SEMA3A: variants seen among roughly 807,000 people sequenced by gnomAD.
The protein encoded by SEMA3A is semaphorin 3A, also known as semaphorin-3A.
Under a neutral mutation model 97.9 loss-of-function variants are expected in SEMA3A, and 29 were observed. The observed-to-expected ratio is 0.30, with a 90% confidence interval of 0.22 to 0.40. The LOEUF is 0.40. Among genes scored for constraint, SEMA3A ranks in the 10% least tolerant of loss-of-function variants. The pLI is 1.00. For synonymous variants in SEMA3A, 321 were observed against 323.7 expected (o/e 0.99, Z 0.09); for missense variants, 763 against 951.3 (o/e 0.80, Z 2.60).
At chr7:84,090,564 TTA>T (rs2115844661) in intron 4 of SEMA3A, among the ~76,000 whole-genome samples, 1 of 152,130 alleles carries the variant, frequency 6.6e-6, no homozygotes, top group Non-Finnish European at 1.5e-5. Flanking sequence ...GCATTAAAGC[TTA>T]TGTGTGGAAG....
chr7:84,293,376 G>A (rs1313703468), intron 3 of SEMA3A, among the ~76,000 whole-genome samples: 9 of 151,950 alleles, frequency 5.9e-5, no homozygotes, highest in Admixed American at 5.3e-4. Context: ...CTATGTCAGA[G>A]TTTCTTTCTG....
At chr7:84,378,259 A>AAT (rs1334574260) in intron 1 of SEMA3A, among the ~76,000 whole-genome samples, 8 of 152,246 alleles carry the variant, frequency 5.3e-5, no homozygotes, top group Middle Eastern at 3.4e-3. Flanking sequence ...TAAACTAAAG[A>AAT]ATATATATAC....
rs756359503 is a variant in SEMA3A at position 83,961,814 on chromosome 7, C to T, written c.1873G>A (p.Asp625Asn). The part of the protein sequence containing the change: ...EERKEEIRVD[D>N]HIIRTDQGLL... ...CCTTGATCTGTCCTGATGATATGAT[C>T]ATCCACTCTGATCTAGCAGGTTAAA... The change falls in exon 17 of 17, where the codon GAT becomes AAT. Residue 625 changes from aspartate (D) to asparagine (N), a missense_variant. Physicochemically the swap from Asp to Asn is conservative, Grantham distance 23. This residue lies in a region of SEMA3A where 678 missense variants were observed against 881.3 expected (regional missense o/e 0.77). Coordinates refer to ENST00000265362, the MANE Select transcript of SEMA3A (RefSeq NM_006080.3). The T allele has an allele frequency of 6.2e-7, 1 of 1,612,896 alleles. No homozygotes were observed. Among genetic ancestry groups the T allele is most frequent in the Non-Finnish European group, 8.5e-7 (1 of 1,179,314 alleles).
intron 2 of SEMA3A, among the ~76,000 whole-genome samples, chr7:84,358,463 T>A (rs921131431): frequency 6.6e-6 from 1 of 152,188 alleles, no homozygotes; most frequent in South Asian, 2.1e-4. Flanking sequence ...GTGGTATTAT[T>A]CCTGAGGGCT....
At chr7:84,268,486 G>A (rs1800067841) in intron 3 of SEMA3A, among the ~76,000 whole-genome samples, 1 of 152,026 alleles carries the variant, frequency 6.6e-6, no homozygotes, top group African/African-American at 2.4e-5. Context: ...AAATATCTGA[G>A]TGCCTACTTC....
chr7:84,092,538 T>C (rs1794634049), intron 4 of SEMA3A, among the ~76,000 whole-genome samples: 1 of 152,000 alleles, frequency 6.6e-6, no homozygotes, highest in African/African-American at 2.4e-5. Context: ...TTTTTTTCAA[T>C]GTGATAAATG....
intron 15 of SEMA3A, 133 bp downstream of exon 15, chr7:83,976,999 G>T: frequency 4.5e-6 from 2 of 444,336 alleles, no homozygotes; most frequent in South Asian, 8.2e-5. Context: ...CTTTCTGTAA[G>T]ATTTTACTTC....
chr7:84,457,039 GCTTATATAAATATACT>G (rs1805703912), intron 1 of SEMA3A, among the ~76,000 whole-genome samples: 1 of 151,298 alleles, frequency 6.6e-6, no homozygotes, highest in Non-Finnish European at 1.5e-5. Context: ...TATAAGCACT[GCTTATATAAATATACT>G]TGCATTTTGG....
intron 3 of SEMA3A, among the ~76,000 whole-genome samples, chr7:84,229,074 AC>A (rs1317566080): frequency 1.3e-5 from 2 of 151,966 alleles, no homozygotes. Flanking sequence ...ACTTGTAACT[AC>A]CAGCAGAGGC....
At position 84,431,752 on chromosome 7, in the gene SEMA3A, A is replaced by C. The variant is rs77773655; in HGVS notation, c.-245-59852T>G. Among the ~76,000 whole-genome samples, 96 of 152,182 alleles carry C rather than the reference A, an allele frequency of 6.3e-4. 1 individual carries two copies. The East Asian group carries it at 0.016, about 25-fold the overall frequency. Reference sequence around the variant, plus strand: ...AAAGGGTGAGTTGTGAGATTCAATTAATTTAACAAGCATATATCAACATTT... The same window carrying C: ...AAAGGGTGAGTTGTGAGATTCAATTCATTTAACAAGCATATATCAACATTT... On this transcript the variant is annotated intron_variant, in intron 1 of 3. Transcript: ENST00000424555.
chr7:84,431,814 C>T (rs958353050), intron 1 of SEMA3A, among the ~76,000 whole-genome samples: 5 of 151,930 alleles, frequency 3.3e-5, no homozygotes, highest in African/African-American at 1.2e-4. Flanking sequence ...GGTACCCTGC[C>T]TTCAAAGAGT....
At chr7:84,311,999 G>A (rs972957100) in intron 2 of SEMA3A, among the ~76,000 whole-genome samples, 5 of 151,780 alleles carry the variant, frequency 3.3e-5, no homozygotes, top group Non-Finnish European at 7.4e-5. Flanking sequence ...CCAAAACAAA[G>A]AAATGACACC....
intron 3 of SEMA3A, among the ~76,000 whole-genome samples, chr7:84,239,625 T>C (rs1799313674): frequency 1.3e-5 from 2 of 152,306 alleles, no homozygotes; most frequent in South Asian, 4.1e-4. Flanking sequence ...CAATTTCTTT[T>C]TATAGTTTAG....
chr7:84,043,852 G>A (rs551671996), intron 6 of SEMA3A, among the ~76,000 whole-genome samples: 1 of 152,138 alleles, frequency 6.6e-6, no homozygotes, highest in South Asian at 2.1e-4. Context: ...CAGAGATGAA[G>A]TACAGAGCTG....
At chr7:84,131,426 C>CCTCTACACTTCCA (rs1342361987) in intron 2 of SEMA3A, among the ~76,000 whole-genome samples, 7 of 152,062 alleles carry the variant, frequency 4.6e-5, no homozygotes, top group African/African-American at 1.4e-4. Flanking sequence ...CATCCTTATG[C>CCTCTACACTTCCA]CTCTACACTT....
chr7:84,450,994 T>C (rs917607340), intron 1 of SEMA3A, among the ~76,000 whole-genome samples: 4 of 152,176 alleles, frequency 2.6e-5, no homozygotes, highest in African/African-American at 7.2e-5. Context: ...CTTTGCTTTG[T>C]AGAAGCTTTT....
chr7:84,431,667 A>T (rs528129123), intron 1 of SEMA3A, among the ~76,000 whole-genome samples: 4 of 152,140 alleles, frequency 2.6e-5, no homozygotes, highest in Admixed American at 6.6e-5. Context: ...CATTTAAAAA[A>T]ATAATTTGAT....
chr7:84,204,215 T>C (rs1584121998), intron 3 of SEMA3A, among the ~76,000 whole-genome samples: 1 of 152,110 alleles, frequency 6.6e-6, no homozygotes, highest in Non-Finnish European at 1.5e-5. Flanking sequence ...TCTCAAGAAA[T>C]AAAGCACCAC....
Position 83,963,300 on chromosome 7 carries a change from C to G in SEMA3A, c.1765G>C (p.Glu589Gln), listed in dbSNP as rs750562959. The G allele has an allele frequency of 3.0e-5, 49 of 1,613,812 alleles. No individual in the cohort carries two copies. The highest frequency in any genetic ancestry group is 4.2e-5 in the Non-Finnish European group (49 of 1,179,984). ...SPEERIIYGV[E>Q]NSSTFLECSP... ...CATTCCAAAAATGTGCTACTATTCT[C>G]TACACCATAGATGATTCTCTCTTCA... Residue 589 changes from glutamate to glutamine, a missense_variant, in exon 16 of 17, where the codon GAG (glutamate) becomes CAG (glutamine). Transcript: ENST00000265362.
Sources: gnomAD v4.1 joint callset for allele counts (sites outside exome capture counted in the v4.1 genomes callset) on GRCh38, gnomAD v4.1.1 for gene constraint, gnomAD v4.1.1 regional missense constraint, MANE v1.5 for transcripts, NCBI Gene and HGNC (gene_info 2026-07-23, HGNC 2026-07-21) for gene names.